The following AGMO variants were observed in gnomAD, a reference collection of about 807,000 sequenced individuals.
The protein encoded by AGMO is alkylglycerol monooxygenase, also known as glyceryl-ether monooxygenase.
A neutral mutation model predicts 60.2 loss-of-function variants in AGMO; 75 were observed. The observed-to-expected ratio is 1.25, with a 90% confidence interval of 1.03 to 1.51. The LOEUF (loss-of-function observed/expected upper bound fraction) is 1.51, where lower values mean the gene tolerates loss of function less well. Among genes scored for constraint, AGMO ranks in the 40% most tolerant of loss-of-function variants. The pLI is 0.00. For synonymous variants in AGMO, 261 were observed against 177.1 expected (o/e 1.47, Z -3.76); for missense variants, 763 against 525.5 (o/e 1.45, Z -4.42).
chr7:15,469,245 G>A (rs1039936102), intron 3 of AGMO, among the ~76,000 whole-genome samples: 2 of 150,806 alleles, frequency 1.3e-5, no homozygotes, highest in African/African-American at 2.4e-5. Context: ...TTTTTTCATC[G>A]TCAAAAGCTA....
At chr7:15,179,766 T>C in the AGMO span, among the ~76,000 whole-genome samples, 1 of 152,160 alleles carries the variant, frequency 6.6e-6, no homozygotes, top group African/African-American at 2.4e-5. Flanking sequence ...TGTGACATCA[T>C]TTGAAATCCA....
intron 12 of AGMO, among the ~76,000 whole-genome samples, chr7:15,269,508 G>C (rs960291357): frequency 6.6e-6 from 1 of 152,016 alleles, no homozygotes; most frequent in East Asian, 1.9e-4. Context: ...AGGTTAGATA[G>C]GGGTGCATGA....
chr7:15,337,018 C>A (rs910046116), intron 12 of AGMO, among the ~76,000 whole-genome samples: 3 of 152,172 alleles, frequency 2.0e-5, no homozygotes, highest in African/African-American at 7.2e-5. Context: ...ACGTATGTAA[C>A]TGTGTATATC....
At chr7:15,425,140 T>C (rs1288727486) in intron 4 of AGMO, among the ~76,000 whole-genome samples, 1 of 152,158 alleles carries the variant, frequency 6.6e-6, no homozygotes, top group African/African-American at 2.4e-5. Flanking sequence ...GCAGAGTAAA[T>C]ATTAAGAGGT....
At chr7:15,350,862 T>C (rs758608462) in intron 12 of AGMO, among the ~76,000 whole-genome samples, 19 of 152,172 alleles carry the variant, frequency 1.2e-4, no homozygotes, top group Non-Finnish European at 8.8e-5. Flanking sequence ...ATGGAGAACA[T>C]TGAGAAGAAT....
chr7:15,198,998 G>T (rs1781204468), downstream of AGMO, among the ~76,000 whole-genome samples: 1 of 152,106 alleles, frequency 6.6e-6, no homozygotes, highest in Non-Finnish European at 1.5e-5. Flanking sequence ...GGCAAGAAGG[G>T]GGTTTGTTTT....
At chr7:15,242,807 T>C (rs1045292360) in intron 12 of AGMO, among the ~76,000 whole-genome samples, 2 of 152,124 alleles carry the variant, frequency 1.3e-5, no homozygotes, top group African/African-American at 4.8e-5. Flanking sequence ...CAATGTCACC[T>C]GATAATTATA....
chr7:15,119,000 C>T, the AGMO span, among the ~76,000 whole-genome samples: 17,565 of 141,270 alleles, frequency 0.12, 1,947 homozygotes, highest in African/African-American at 0.3. Flanking sequence ...TTTTTTTTTC[C>T]TTCTTTTGAC....
At chr7:15,139,430 G>A in the AGMO span, among the ~76,000 whole-genome samples, 1 of 152,088 alleles carries the variant, frequency 6.6e-6, no homozygotes, top group Non-Finnish European at 1.5e-5. Context: ...TCATGTCATG[G>A]AGGTTTGTTG....
chr7:15,200,083 A>G (rs574988116), downstream of AGMO, among the ~76,000 whole-genome samples: 3 of 152,170 alleles, frequency 2.0e-5, no homozygotes, highest in South Asian at 2.1e-4. Flanking sequence ...GAAGAACAGC[A>G]TTAGTTTTTT....
chr7:15,376,102 G>A (rs188078563), intron 10 of AGMO, among the ~76,000 whole-genome samples: 23 of 152,112 alleles, frequency 1.5e-4, no homozygotes, highest in Non-Finnish European at 2.8e-4. Context: ...GGTAGCTTTT[G>A]TTAATAGTCT....
the AGMO span, among the ~76,000 whole-genome samples, chr7:15,167,766 G>T: frequency 6.6e-6 from 1 of 152,104 alleles, no homozygotes; most frequent in Non-Finnish European, 1.5e-5. Flanking sequence ...TAGCTGTATG[G>T]CAATAAACAT....
intron 12 of AGMO, among the ~76,000 whole-genome samples, chr7:15,280,701 C>T (rs1008056794): frequency 6.6e-6 from 1 of 152,236 alleles, no homozygotes. Context: ...CACAGCATCT[C>T]TGGGTAGAAT....
rs943126570 is a variant in AGMO, at chr7:15,394,747, C to G, written c.610-568G>C. On this transcript the variant is annotated intron_variant, in intron 5 of 12. Coordinates refer to ENST00000342526, the MANE Select transcript of AGMO (RefSeq NM_001004320.2). ...AAATCAGCCATGCAGCAACGACTTA[C>G]TATTGCATCAGTAATCTACGGCATT... 2.0e-5 allele frequency among the ~76,000 whole-genome samples: 3 copies of G among 152,174 alleles called. No homozygotes were observed. In the South Asian group the frequency reaches 6.2e-4, roughly 31 times the overall value.
chr7:15,550,332 G>A (rs1308653102), intron 2 of AGMO, among the ~76,000 whole-genome samples: 3 of 152,018 alleles, frequency 2.0e-5, no homozygotes, highest in African/African-American at 4.8e-5. Flanking sequence ...AGAACTGAAG[G>A]AAATAGAGAC....
chr7:15,472,055 A>C (rs1782461603), intron 3 of AGMO, among the ~76,000 whole-genome samples: 6 of 151,872 alleles, frequency 4.0e-5, no homozygotes, highest in Admixed American at 3.9e-4. Context: ...GCTGAAGCCT[A>C]TAATTTTTGA....
rs535157286 is a variant in AGMO, at chr7:15,558,079, A to G, written c.257+2062T>C. ...TATTTTTTGTAAAAATATCTCTTTT[A>G]TTCTTGTTTTCCTGTTATAACTCTG... On this transcript the variant is annotated intron_variant, in intron 2 of 12. Coordinates refer to ENST00000342526, the MANE Select transcript of AGMO (RefSeq NM_001004320.2). 7.7e-5 allele frequency among the ~76,000 whole-genome samples: 11 copies of G among 143,600 alleles called. No individual in the cohort carries two copies. The South Asian group carries it at 8.9e-4, about 12-fold the overall frequency. The allele number at this position is 143,600 out of a possible 152,430, so 94.2% of individuals were successfully genotyped here.
chr7:15,304,020 CT>C (rs1360376526), intron 12 of AGMO, among the ~76,000 whole-genome samples: 1 of 152,124 alleles, frequency 6.6e-6, no homozygotes, highest in Non-Finnish European at 1.5e-5. Flanking sequence ...AGGCCCAAGT[CT>C]AAAATAACAA....
At chr7:15,209,617 TCA>T (rs1491084767) in intron 12 of AGMO, among the ~76,000 whole-genome samples, 4 of 152,200 alleles carry the variant, frequency 2.6e-5, no homozygotes, top group South Asian at 2.1e-4. Context: ...GGGATTTCTC[TCA>T]GTGTTCTGCC....
Sources: gnomAD v4.1 joint callset for allele counts (sites outside exome capture counted in the v4.1 genomes callset) on GRCh38, gnomAD v4.1.1 for gene constraint, MANE v1.5 for transcripts, NCBI Gene and HGNC (gene_info 2026-07-23, HGNC 2026-07-21) for gene names.